Variants in WSCD1 observed in about 807,000 individuals in gnomAD.
The protein encoded by WSCD1 is sialate:O-sulfotransferase 1.
Under a neutral mutation model 60.4 loss-of-function variants are expected in WSCD1, and 41 were observed. The ratio of observed to expected loss-of-function variants is 0.68; its 90% CI spans 0.53 to 0.88. The LOEUF is 0.88. Ranked by LOEUF, WSCD1 falls within the 40% of genes least tolerant of loss-of-function variation. WSCD1 has a pLI of 0.00. For missense variants in WSCD1, 784 were observed against 796.2 expected (o/e 0.98, Z 0.18); for synonymous variants, 361 against 332.5 (o/e 1.09, Z -0.93).
At chr17:6,081,977 C>G (rs1375163954) in intron 2 of WSCD1, 1 of 152,192 alleles carries the variant, frequency 6.6e-6, no homozygotes, top group East Asian at 1.9e-4. Flanking sequence ...CCAGGTGAGT[C>G]TGATGCATGC....
In WSCD1 at chr17:6,090,361, T is replaced by TA; in HGVS notation, c.584dup (p.Tyr195Ter). The part of the protein sequence containing the change: ...YAGLEAGAEC[Y>*]CGNRLPAVSV... ...CGGCTTGGAGGCCGGGGCGGAGTGT[T>TA]ACTGCGGGAACCGGCTGCCAGCGGT... The change falls in exon 4 of 9, where the codon TAC becomes TAAC. Residue 195 changes from tyrosine (Y) to a stop codon, truncating the protein, a stop_gained and frameshift_variant. Coordinates refer to ENST00000317744, the MANE Select transcript of WSCD1 (RefSeq NM_015253.2). LOFTEE classifies it high-confidence loss of function. 6.2e-7 allele frequency: 1 copy of TA among 1,609,044 alleles called. No homozygotes were observed. The highest frequency in any genetic ancestry group is 1.1e-5 in the South Asian group (1 of 90,316).
chr17:6,109,726 G>A lies in WSCD1; in HGVS notation c.969G>A (p.Arg323=). 6.2e-7 allele frequency: 1 copy of A among 1,614,148 alleles called. No homozygotes were observed. The highest frequency in any genetic ancestry group is 8.5e-7 in the Non-Finnish European group (1 of 1,180,000). The change falls in exon 6 of 9, where the codon AGG becomes AGA. Residue 323 remains arginine (R), a synonymous_variant. Transcript: ENST00000317744. Reference sequence around the variant, plus strand: ...GTGGCCAGGACCCTGAGGCACAGAGGCTGGCAGAATACTGTGAGGTCTACC... The same window carrying A: ...GTGGCCAGGACCCTGAGGCACAGAGACTGGCAGAATACTGTGAGGTCTACC... ...SVCGQDPEAQ[R]LAEYCEVYQT...
intron 4 of WSCD1, among the ~76,000 whole-genome samples, chr17:6,092,078 C>T (rs567293120): frequency 6.9e-5 from 10 of 145,704 alleles, no homozygotes; most frequent in East Asian, 4.1e-4. Flanking sequence ...CGCTTGAACC[C>T]GGGAGGCGGA....
chr17:6,089,446 TTC>T (rs1486437417), intron 3 of WSCD1, among the ~76,000 whole-genome samples: 1 of 152,314 alleles, frequency 6.6e-6, no homozygotes, highest in African/African-American at 2.4e-5. Flanking sequence ...TCATTGAGGG[TTC>T]TGTTTCCAAC....
At chr17:6,086,729 T>G (rs1909674960) in intron 2 of WSCD1, among the ~76,000 whole-genome samples, 1 of 152,136 alleles carries the variant, frequency 6.6e-6, no homozygotes, top group South Asian at 2.1e-4. Flanking sequence ...AGTGGATGGT[T>G]GGCAGACTTC....
Position 6,121,670 on chromosome 17 carries a change from G to A in WSCD1, c.*1009G>A, listed in dbSNP as rs1299199371. 4.6e-5 allele frequency: 7 copies of A among 152,426 alleles called. No individual in the cohort carries two copies. The highest frequency in any genetic ancestry group is 1.9e-4 in the East Asian group (1 of 5,166). 9.4% of individuals were successfully genotyped at this position (152,426 alleles called of 1,614,324 possible). On this transcript the variant is annotated 3_prime_UTR_variant, in exon 9 of 9. Coordinates refer to ENST00000317744, the MANE Select transcript of WSCD1 (RefSeq NM_015253.2). ...GAGTTGGCATGGGGAGATTGTAAGG[G>A]CTGTATCTCCGCGATTACTGGTACT... is the stretch of plus-strand genomic sequence containing the variant.
chr17:6,120,737 C>A lies in WSCD1; in HGVS notation c.*76C>A. ...GGGCTGCGCTCCCCACTCTGATGCT[C>A]AGGCCCGTGGCCTCACTGGGACGAA... is the stretch of plus-strand genomic sequence containing the variant. On this transcript the variant is annotated 3_prime_UTR_variant, in exon 9 of 9. Transcript: ENST00000317744. 1 of 1,480,544 alleles carries A rather than the reference C, an allele frequency of 6.8e-7. No individual in the cohort carries two copies. Among genetic ancestry groups the A allele is most frequent in the South Asian group, 1.3e-5 (1 of 77,292 alleles). 91.7% of individuals were successfully genotyped at this position (1,480,544 alleles called of 1,614,324 possible).
At position 6,110,858 on chromosome 17, in the gene WSCD1, G is replaced by A; in HGVS notation, c.1097G>A (p.Trp366Ter). Reference protein sequence around the residue: ...LSSFPGAGNTWARHLIEHATG... With the variant: ...LSSFPGAGNT ...AGCTTCCCAGGAGCCGGGAACACAT[G>A]GGCACGGCACCTCATTGAGCATGCC... Residue 366 changes from tryptophan (W) to a stop codon, truncating the protein, a stop_gained, in exon 7 of 9, where the codon TGG becomes TAG. Transcript: ENST00000317744. LOFTEE classifies it high-confidence loss of function. This position sits in a 1 kb window ranked among gnomAD's most constrained non-coding sequence, Gnocchi z 4.8. 1 of 1,613,922 alleles carries A rather than the reference G, an allele frequency of 6.2e-7. No individual in the cohort carries two copies. Among genetic ancestry groups the A allele is most frequent in the Non-Finnish European group, 8.5e-7 (1 of 1,179,886 alleles).
Position 6,110,160 on chromosome 17 carries a change from T to C in WSCD1, c.1009+394T>C, listed in dbSNP as rs62053894. Among the ~76,000 whole-genome samples the C allele has an allele frequency of 1.2e-4, 18 of 152,084 alleles. No homozygotes were observed. The highest frequency in any genetic ancestry group is 2.5e-4 in the Non-Finnish European group (17 of 67,964). The stretch of plus-strand genomic sequence containing the variant: ...TCCAGGACCTGGGAACCCTCCTTGG[T>C]GTGAGCATCAGGTCTGCCCCTGTTG... On this transcript the variant is annotated intron_variant, in intron 6 of 8. Coordinates refer to ENST00000317744, the MANE Select transcript of WSCD1 (RefSeq NM_015253.2). The surrounding 1 kb of genome is among the most constrained non-coding windows in gnomAD (Gnocchi z 4.8).
intron 8 of WSCD1, 82 bp from the exon 9 acceptor site, chr17:6,120,227 C>T (rs1296265817): frequency 6.8e-7 from 1 of 1,461,940 alleles, no homozygotes; most frequent in African/African-American, 1.4e-5. Context: ...TGCCCACTTC[C>T]CTCTCCCGAG....
At chr17:6,086,670 G>C (rs1888978815) in intron 2 of WSCD1, among the ~76,000 whole-genome samples, 2 of 152,006 alleles carry the variant, frequency 1.3e-5, no homozygotes, top group Non-Finnish European at 2.9e-5. Context: ...TTTGTATTTA[G>C]GCTCTCTGCT....
chr17:6,089,864 A>G (rs1909906503), intron 3 of WSCD1, among the ~76,000 whole-genome samples: 1 of 152,214 alleles, frequency 6.6e-6, no homozygotes. Context: ...CACAAAGGAA[A>G]GACTGTTGCC....
chr17:6,085,994 C>A (rs997107593), intron 2 of WSCD1, among the ~76,000 whole-genome samples: 3 of 151,958 alleles, frequency 2.0e-5, no homozygotes, highest in African/African-American at 7.3e-5. Context: ...TGCTGATGGG[C>A]GTCCCCAGAT....
intron 1 of WSCD1, among the ~76,000 whole-genome samples, chr17:6,079,202 C>T (rs540548191): frequency 4.7e-4 from 71 of 152,366 alleles, no homozygotes; most frequent in Middle Eastern, 3.4e-3. Context: ...TGTCCTTCCT[C>T]TCACACCCGC....
At chr17:6,115,681 G>A (rs763027640) in intron 7 of WSCD1, among the ~76,000 whole-genome samples, 9 of 151,600 alleles carry the variant, frequency 5.9e-5, no homozygotes, top group East Asian at 1.9e-4. Context: ...TGCAACCTCC[G>A]CCTCTTGGGT....
intron 2 of WSCD1, 21 bp downstream of exon 2, chr17:6,081,106 G>T (rs765448724): frequency 1.3e-6 from 2 of 1,523,822 alleles, no homozygotes; most frequent in South Asian, 2.4e-5. Flanking sequence ...AGCTGCATTT[G>T]GGGGAGCTGT....
rs1298754837 is a variant in WSCD1 at position 6,095,232 on chromosome 17, A to G, written c.849+9A>G. The G allele has an allele frequency of 6.2e-7, 1 of 1,612,082 alleles. No homozygotes were observed. The highest frequency in any genetic ancestry group is 1.3e-5 in the African/African-American group (1 of 74,876). On this transcript the variant is annotated intron_variant, in intron 5 of 8. Transcript: ENST00000317744. The stretch of plus-strand genomic sequence containing the variant: ...GCTTTTGTTCCCAGAAAGTAAGACC[A>G]AGTGATCATTTCACAACCCTTTCCT...
chr17:6,112,355 A>G (rs1436885644), intron 7 of WSCD1, among the ~76,000 whole-genome samples: 1 of 152,258 alleles, frequency 6.6e-6, no homozygotes, highest in Non-Finnish European at 1.5e-5. Flanking sequence ...ATCATACTAA[A>G]TGAAGAAAGT....
intron 2 of WSCD1, among the ~76,000 whole-genome samples, chr17:6,086,966 G>A (rs1312403121): frequency 1.3e-5 from 2 of 152,208 alleles, no homozygotes; most frequent in African/African-American, 4.8e-5. Flanking sequence ...GGAGGCAGTG[G>A]TGCGCTCCCC....
Sources: gnomAD v4.1 joint callset for allele counts (sites outside exome capture counted in the v4.1 genomes callset) on GRCh38, gnomAD v4.1.1 for gene constraint, Gnocchi (gnomAD v3.1) non-coding constraint, MANE v1.5 for transcripts, NCBI Gene and HGNC (gene_info 2026-07-23, HGNC 2026-07-21) for gene names.